GPR158: variants seen among roughly 807,000 people sequenced by gnomAD.
GPR158 encodes the protein G protein-coupled receptor 158, also known as metabotropic glycine receptor.
Under a neutral mutation model 78.2 loss-of-function variants are expected in GPR158, and 30 were observed. That is an observed-to-expected ratio of 0.38 (90% CI 0.29 to 0.52). The LOEUF (loss-of-function observed/expected upper bound fraction) is 0.52. Ranked by LOEUF, GPR158 falls within the 20% of genes least tolerant of loss-of-function variation. The pLI is 0.83. For missense variants in GPR158, 1,463 were observed against 1,523.5 expected (o/e 0.96, Z 0.66); for synonymous variants, 581 against 591.1 (o/e 0.98, Z 0.25).
intron 1 of GPR158, among the ~76,000 whole-genome samples, chr10:25,219,975 G>A (rs2130681378): frequency 6.6e-6 from 1 of 152,238 alleles, no homozygotes; most frequent in Admixed American, 6.5e-5. Context: ...TTGTAATTGT[G>A]TGGGATTCTT....
chr10:25,184,315 T>A (rs1852652902), intron 1 of GPR158, among the ~76,000 whole-genome samples: 1 of 152,178 alleles, frequency 6.6e-6, no homozygotes, highest in Non-Finnish European at 1.5e-5. Flanking sequence ...CTTAGCCTCC[T>A]AAGTAGCTGG....
intron 2 of GPR158, among the ~76,000 whole-genome samples, chr10:25,256,832 T>G (rs1370809089): frequency 3.3e-5 from 5 of 152,188 alleles, no homozygotes; most frequent in Non-Finnish European, 7.3e-5. Flanking sequence ...AGTAAATATA[T>G]TACAGTTATA....
chr10:25,317,698 C>G (rs929598129), intron 2 of GPR158, among the ~76,000 whole-genome samples: 6 of 141,480 alleles, frequency 4.2e-5, no homozygotes, highest in African/African-American at 1.7e-4. Flanking sequence ...TTCTTAAATT[C>G]TGTTTTCTTC....
At chr10:25,190,570 A>G (rs1344322181) in intron 1 of GPR158, among the ~76,000 whole-genome samples, 2 of 152,102 alleles carry the variant, frequency 1.3e-5, no homozygotes, top group African/African-American at 2.4e-5. Context: ...GGCTCAAGCA[A>G]TCCACCCGCA....
chr10:25,540,027 A>T (rs1018716579), intron 5 of GPR158, among the ~76,000 whole-genome samples: 3 of 152,212 alleles, frequency 2.0e-5, no homozygotes, highest in Non-Finnish European at 4.4e-5. Context: ...GAATGGGAGA[A>T]AATTTTCGCA....
Position 25,576,100 on chromosome 10 carries a change from C to T in GPR158, c.1753+3213C>T, listed in dbSNP as rs563336955. The stretch of plus-strand genomic sequence containing the variant: ...CTTTTGGGGTACAGGTGGTTTTGGT[C>T]ACGTGGATGAATTGTATACTGGTGA... On this transcript the variant is annotated intron_variant, in intron 7 of 10. Transcript: ENST00000376351. 2.0e-5 allele frequency among the ~76,000 whole-genome samples: 3 copies of T among 151,854 alleles called. No individual in the cohort carries two copies. In the South Asian group the frequency reaches 6.2e-4, roughly 32 times the overall value.
At chr10:25,350,960 A>T (rs1404022855) in intron 2 of GPR158, among the ~76,000 whole-genome samples, 2 of 152,078 alleles carry the variant, frequency 1.3e-5, no homozygotes, top group African/African-American at 4.8e-5. Flanking sequence ...GACTATAGAT[A>T]AATGATTTAA....
chr10:25,241,161 CTTTCTTTCTTTCTTTCTTTCTT>C (rs2130706761), intron 2 of GPR158, among the ~76,000 whole-genome samples: 1 of 122,092 alleles, frequency 8.2e-6, no homozygotes, highest in East Asian at 2.6e-4. Context: ...TTCTTTCTTT[CTTTCTTTCTTTCTTTCTTTCTT>C]TCTTTCCTTT....
intron 2 of GPR158, among the ~76,000 whole-genome samples, chr10:25,239,370 G>T (rs1853573200): frequency 6.6e-6 from 1 of 152,090 alleles, no homozygotes; most frequent in South Asian, 2.1e-4. Flanking sequence ...AGAACCCGAG[G>T]CAGGCAGATC....
At chr10:25,451,214 T>G (rs1835211689) in intron 4 of GPR158, among the ~76,000 whole-genome samples, 1 of 152,202 alleles carries the variant, frequency 6.6e-6, no homozygotes, top group African/African-American at 2.4e-5. Flanking sequence ...TACAATTAAG[T>G]ATACACTTAA....
intron 4 of GPR158, among the ~76,000 whole-genome samples, chr10:25,462,498 C>T (rs187737039): frequency 8.5e-4 from 130 of 152,236 alleles, no homozygotes; most frequent in Admixed American, 2.4e-3. Context: ...TTTTGTAAGG[C>T]GATCGTTGCC....
chr10:25,530,702 CTT>C (rs1006078422), intron 5 of GPR158, among the ~76,000 whole-genome samples: 3 of 152,214 alleles, frequency 2.0e-5, no homozygotes, highest in Non-Finnish European at 4.4e-5. Flanking sequence ...TGTGATAACA[CTT>C]AACCAATTTT....
At chr10:25,268,290 T>A (rs1314860596) in intron 2 of GPR158, among the ~76,000 whole-genome samples, 1 of 152,188 alleles carries the variant, frequency 6.6e-6, no homozygotes, top group Non-Finnish European at 1.5e-5. Context: ...GGTGCTTTGC[T>A]ATTTCTTGAT....
At chr10:25,452,221 T>C (rs2130602369) in intron 4 of GPR158, among the ~76,000 whole-genome samples, 1 of 151,220 alleles carries the variant, frequency 6.6e-6, no homozygotes. Flanking sequence ...AATATATATA[T>C]ATATGGTAGC....
intron 2 of GPR158, among the ~76,000 whole-genome samples, chr10:25,264,337 T>G (rs907805627): frequency 6.6e-6 from 1 of 152,198 alleles, no homozygotes; most frequent in Non-Finnish European, 1.5e-5. Flanking sequence ...AGAAGTACAG[T>G]TAACCTGACA....
At chr10:25,338,126 A>C (rs988938176) in intron 2 of GPR158, among the ~76,000 whole-genome samples, 1 of 151,662 alleles carries the variant, frequency 6.6e-6, no homozygotes, top group African/African-American at 2.4e-5. Flanking sequence ...GGTTTAGTGA[A>C]GTCCAATTTA....
intron 2 of GPR158, among the ~76,000 whole-genome samples, chr10:25,320,962 T>C (rs1588797735): frequency 6.6e-6 from 1 of 152,220 alleles, no homozygotes; most frequent in African/African-American, 2.4e-5. Context: ...ATGGCATTCA[T>C]ATGTAACATA....
At chr10:25,565,830 C>T (rs187231437) in intron 6 of GPR158, among the ~76,000 whole-genome samples, 22 of 152,080 alleles carry the variant, frequency 1.4e-4, no homozygotes, top group Admixed American at 8.5e-4. Context: ...GACAGGGGAC[C>T]GAGGGCAAGA....
chr10:25,475,083 A>C (rs1393043675), intron 5 of GPR158, among the ~76,000 whole-genome samples: 3 of 152,200 alleles, frequency 2.0e-5, no homozygotes, highest in Admixed American at 6.5e-5. Context: ...GACATTTGAA[A>C]GAATTGCAAG....
Sources: allele counts gnomAD v4.1 joint callset (sites outside exome capture counted in the v4.1 genomes callset), GRCh38; gene constraint gnomAD v4.1.1; transcripts MANE v1.5; gene names NCBI Gene and HGNC (gene_info 2026-07-23, HGNC 2026-07-21).